The following SLC7A7 variants were observed in gnomAD, a reference collection of about 807,000 sequenced individuals.
SLC7A7 encodes solute carrier family 7 member 7.
A neutral mutation model predicts 47.9 loss-of-function variants in SLC7A7; 39 were observed. The observed-to-expected ratio is 0.81, with a 90% CI of 0.63 to 1.06. The LOEUF is 1.06. Ranked by LOEUF, SLC7A7 falls within the 50% of genes least tolerant of loss-of-function variation. The pLI is 0.00. For missense variants in SLC7A7, 588 were observed against 632.0 expected (o/e 0.93, Z 0.75); for synonymous variants, 234 against 242.8 (o/e 0.96, Z 0.34).
chr14:22,775,801 G>A, intron 6 of SLC7A7, 32 bp downstream of exon 6: 2 of 1,480,646 alleles, frequency 1.4e-6, no homozygotes, highest in Non-Finnish European at 1.9e-6. Context: ...GCCCTTTGAT[G>A]ATACACCCCT....
At chr14:22,784,758 G>GC (rs1210901958) in intron 2 of SLC7A7, among the ~76,000 whole-genome samples, 1 of 152,188 alleles carries the variant, frequency 6.6e-6, no homozygotes, top group African/African-American at 2.4e-5. Context: ...AGAACTAAAA[G>GC]CCAGAAAGCA....
intron 2 of SLC7A7, among the ~76,000 whole-genome samples, chr14:22,787,414 C>T (rs112944713): frequency 0.013 from 1,851 of 146,326 alleles, 42 homozygotes; most frequent in African/African-American, 0.045. Flanking sequence ...CCAGCCTGGG[C>T]GACAGAGTGA....
At chr14:22,798,605 A>G (rs981530175) in intron 2 of SLC7A7, among the ~76,000 whole-genome samples, 4 of 152,202 alleles carry the variant, frequency 2.6e-5, no homozygotes, top group African/African-American at 9.6e-5. Flanking sequence ...ACTCTTTTTC[A>G]TAAAATCGTC....
intron 2 of SLC7A7, among the ~76,000 whole-genome samples, chr14:22,809,639 C>A (rs532764353): frequency 1.3e-5 from 2 of 152,018 alleles, no homozygotes; most frequent in African/African-American, 2.4e-5. Flanking sequence ...CCATGCCCGG[C>A]CTTTTTTGTA....
intron 2 of SLC7A7, among the ~76,000 whole-genome samples, chr14:22,781,315 C>G (rs2038715804): frequency 6.6e-6 from 1 of 152,152 alleles, no homozygotes; most frequent in Admixed American, 6.5e-5. Context: ...CTGGCCTCAC[C>G]ACATTCTGGC....
chr14:22,779,828 A>T, intron 3 of SLC7A7, 98 bp downstream of exon 3: 1 of 1,113,554 alleles, frequency 9.0e-7, no homozygotes, highest in Non-Finnish European at 1.4e-6. Flanking sequence ...GAATAAGGTT[A>T]TAGTAAGAAA....
chr14:22,778,683 G>C, intron 4 of SLC7A7, 110 bp downstream of exon 4: 1 of 1,188,834 alleles, frequency 8.4e-7, no homozygotes, highest in Non-Finnish European at 1.2e-6. Flanking sequence ...ATTAAAATGA[G>C]GCTGGTAAAA....
intron 2 of SLC7A7, among the ~76,000 whole-genome samples, chr14:22,811,983 A>G (rs2039315444): frequency 6.6e-6 from 1 of 152,202 alleles, no homozygotes; most frequent in South Asian, 2.1e-4. Context: ...AGGACCAGCT[A>G]GATAAATAAA....
intron 2 of SLC7A7, among the ~76,000 whole-genome samples, chr14:22,806,389 G>A (rs185307754): frequency 2.6e-4 from 40 of 151,464 alleles, no homozygotes; most frequent in African/African-American, 9.4e-4. Flanking sequence ...TAGAGACAGG[G>A]TTTCACCATA....
At position 22,788,736 on chromosome 14, in the gene SLC7A7, G is replaced by A. The variant is rs147676096; in HGVS notation, c.500-8685C>T. ...AAAAAAAAAAAAGTGAACAATCTAC[G>A]ACTACAGACAAAAATACAGAAGAAT... is the stretch of plus-strand genomic sequence containing the variant. On this transcript the variant is annotated intron_variant, in intron 2 of 9. Coordinates refer to ENST00000674313, the MANE Select transcript of SLC7A7 (RefSeq NM_003982.4). 6.3e-3 allele frequency among the ~76,000 whole-genome samples: 933 copies of A among 149,176 alleles called. 3 individuals are homozygous for A. Among genetic ancestry groups the A allele is most frequent in the Non-Finnish European group, 9.4e-3 (637 of 67,548 alleles).
intron 7 of SLC7A7, 52 bp downstream of exon 7, chr14:22,775,392 C>G (rs964451845): frequency 7.0e-7 from 1 of 1,420,444 alleles, no homozygotes; most frequent in African/African-American, 1.4e-5. Flanking sequence ...TCTGCTGTTA[C>G]TAAAGTTTCC....
intron 2 of SLC7A7, among the ~76,000 whole-genome samples, chr14:22,792,413 AT>A (rs2038939355): frequency 6.6e-6 from 1 of 151,996 alleles, no homozygotes; most frequent in Non-Finnish European, 1.5e-5. Context: ...AAAATTACAA[AT>A]TAGCTGGACT....
At chr14:22,813,781 C>T (rs898391157) in intron 1 of SLC7A7, among the ~76,000 whole-genome samples, 4 of 133,532 alleles carry the variant, frequency 3.0e-5, no homozygotes, top group Non-Finnish European at 4.7e-5. Flanking sequence ...TGCCACCACG[C>T]GTGGCTAATT....
Position 22,773,780 on chromosome 14 carries a change from G to A in SLC7A7, c.1430-64C>T, listed in dbSNP as rs2038529330. 3 of 1,554,524 alleles carry A rather than the reference G, an allele frequency of 1.9e-6. No individual in the cohort carries two copies. The African/African-American group carries it at 4.1e-5, about 21-fold the overall frequency. On this transcript the variant is annotated intron_variant, in intron 9 of 9. Coordinates refer to ENST00000674313, the MANE Select transcript of SLC7A7 (RefSeq NM_003982.4). ...AGCTGGGCTGAGTTCAAGTGTCACT[G>A]AATGGAACTCAGTGTGAGGGGAGTG...
At chr14:22,814,968 C>G (rs1037037319) in intron 1 of SLC7A7, 1 of 229,280 alleles carries the variant, frequency 4.4e-6, no homozygotes, top group Non-Finnish European at 8.9e-6. Flanking sequence ...CGATCCCTCA[C>G]ATCAGCATCG....
intron 4 of SLC7A7, among the ~76,000 whole-genome samples, chr14:22,778,346 T>C (rs759250374): frequency 7.2e-5 from 11 of 152,124 alleles, no homozygotes; most frequent in Non-Finnish European, 1.6e-4. Flanking sequence ...GGTGACTTAA[T>C]TGAATGACTG....
chr14:22,814,162 T>G (rs1372642514), intron 1 of SLC7A7, among the ~76,000 whole-genome samples: 1 of 151,818 alleles, frequency 6.6e-6, no homozygotes, highest in Non-Finnish European at 1.5e-5. Context: ...ATTAGGACAT[T>G]GCTGCCCACC....
chr14:22,793,578 T>C (rs4609758), intron 2 of SLC7A7, among the ~76,000 whole-genome samples: 131,724 of 152,058 alleles, frequency 0.87, 57,972 homozygotes, highest in East Asian at 0.98. Flanking sequence ...TTGGGAGCCA[T>C]AGGAGGGCGG....
Position 22,813,297 on chromosome 14 carries a change from C to T in SLC7A7, c.102G>A (p.Lys34=). ...CGCCGTTAAGCAGTGAGATCTCCTT[C>T]TTCAGCTTCACCTGCTCCGGCCCTG... ...ASPGPEQVKL[K]KEISLLNGVC... The change falls in exon 2 of 10, where the codon AAG becomes AAA. Residue 34 remains lysine, a synonymous_variant. Coordinates refer to ENST00000674313, the MANE Select transcript of SLC7A7 (RefSeq NM_003982.4). The T allele has an allele frequency of 6.2e-7, 1 of 1,614,196 alleles. No individual in the cohort carries two copies. Among genetic ancestry groups the T allele is most frequent in the Non-Finnish European group, 8.5e-7 (1 of 1,180,032 alleles).
Sources: allele counts gnomAD v4.1 joint callset (sites outside exome capture counted in the v4.1 genomes callset), GRCh38; gene constraint gnomAD v4.1.1; transcripts MANE v1.5; gene names NCBI Gene and HGNC (gene_info 2026-07-23, HGNC 2026-07-21).